DLG5: variants seen among roughly 807,000 people sequenced by gnomAD.
DLG5 encodes the protein discs large MAGUK scaffold protein 5, also known as disks large homolog 5.
DLG5 carries 48 observed loss-of-function variants against 189.8 expected under a neutral mutation model. That is an observed-to-expected ratio of 0.25 (90% CI 0.20 to 0.32). The LOEUF (loss-of-function observed/expected upper bound fraction) is 0.32, where lower values mean the gene tolerates loss of function less well. Among genes scored for constraint, DLG5 ranks in the 10% least tolerant of loss-of-function variants. The pLI is 1.00. For missense variants in DLG5, 2,160 were observed against 2,544.7 expected, an observed-to-expected ratio of 0.85 and a Z score of 3.25; for synonymous variants, 1,016 against 1,054.1, an observed-to-expected ratio of 0.96 and a Z score of 0.70.
intron 9 of DLG5, among the ~76,000 whole-genome samples, chr10:77,833,353 TC>T: frequency 1.4e-5 from 1 of 69,138 alleles, no homozygotes; most frequent in South Asian, 4.0e-4. Flanking sequence ...CCTTTAAAAC[TC>T]TAATCACAAT....
intron 1 of DLG5, among the ~76,000 whole-genome samples, chr10:77,921,119 G>A (rs1846522069): frequency 6.6e-6 from 1 of 152,238 alleles, no homozygotes; most frequent in African/African-American, 2.4e-5. Context: ...GCTGAGGCAG[G>A]AGGATGGCTT....
At chr10:77,805,323 G>A (rs1292306572) in intron 27 of DLG5, among the ~76,000 whole-genome samples, 1 of 152,194 alleles carries the variant, frequency 6.6e-6, no homozygotes, top group Non-Finnish European at 1.5e-5. Context: ...TGAGATGCAA[G>A]TTGAAGTCAC....
rs1359473003 is a variant in DLG5 at position 77,794,937 on chromosome 10, T to C, written c.5458A>G (p.Ile1820Val). 3 of 1,613,772 alleles carry C rather than the reference T, an allele frequency of 1.9e-6. No homozygotes were observed. The highest frequency in any genetic ancestry group is 2.7e-5 in the African/African-American group (2 of 74,920). ...TEKNRHCLLDIAPHAIERLHH... is the reference protein window; with the variant it reads ...TEKNRHCLLDVAPHAIERLHH... ...AGCCGCTCAATAGCGTGCGGAGCAA[T>C]GTCCAGGAGGCAGTGTCGGTTCTGG... The change falls in exon 30 of 32, where the codon ATT becomes GTT. Residue 1820 changes from isoleucine (I) to valine (V), a missense_variant. By Grantham distance (29) the Ile-to-Val change is conservative (BLOSUM62 3). Around this residue, in one of 5 missense-constraint regions of DLG5, gnomAD observed 574 missense variants for 644.2 expected, o/e 0.89. Transcript: ENST00000372391.
intron 27 of DLG5, among the ~76,000 whole-genome samples, chr10:77,805,427 CAG>C (rs2154575091): frequency 6.6e-6 from 1 of 152,318 alleles, no homozygotes; most frequent in South Asian, 2.1e-4. Context: ...CTGCCTGAAA[CAG>C]GGACATGATG....
rs574970504 is a variant in DLG5 at position 77,826,880 on chromosome 10, G to C, written c.2289+2002C>G. Among the ~76,000 whole-genome samples the C allele has an allele frequency of 2.0e-5, 3 of 147,780 alleles. No individual in the cohort carries two copies. In the East Asian group the frequency reaches 6.2e-4, roughly 30 times the overall value. On this transcript the variant is annotated intron_variant, in intron 13 of 31. Transcript: ENST00000372391. ...GGATAGTTACTTGAACCTGGGAGGC[G>C]GAGGCTACAGTGAGCCCAGATCACA...
chr10:77,819,091 A>G (rs942003647), intron 17 of DLG5, among the ~76,000 whole-genome samples: 1 of 152,244 alleles, frequency 6.6e-6, no homozygotes, highest in African/African-American at 2.4e-5. Flanking sequence ...TAAGCACTCA[A>G]ACATCAGCTG....
the DLG5 span, among the ~76,000 whole-genome samples, chr10:77,936,454 A>AT: frequency 7.2e-6 from 1 of 139,320 alleles, no homozygotes; most frequent in Middle Eastern, 3.6e-3. Context: ...AACAAAAAAA[A>AT]AAAAAAAAAA....
intron 11 of DLG5, 148 bp from the exon 12 acceptor site, chr10:77,829,678 G>A: frequency 7.0e-6 from 7 of 993,916 alleles, no homozygotes; most frequent in Non-Finnish European, 1.0e-5. Context: ...AGTGCACAGT[G>A]GTGAAATTTG....
At chr10:77,899,139 A>G (rs1164890627) in intron 1 of DLG5, among the ~76,000 whole-genome samples, 1 of 152,128 alleles carries the variant, frequency 6.6e-6, no homozygotes, top group Non-Finnish European at 1.5e-5. Context: ...GTAGCATGTA[A>G]CCTATCTCCC....
chr10:77,899,501 C>T (rs1845861741), intron 1 of DLG5, among the ~76,000 whole-genome samples: 1 of 152,178 alleles, frequency 6.6e-6, no homozygotes, highest in Admixed American at 6.5e-5. Context: ...TAGTGGCCTT[C>T]ATCTTAGAGT....
rs190929741 is a variant in DLG5 at position 77,895,747 on chromosome 10, C to T, written c.305-26550G>A. Among the ~76,000 whole-genome samples, 258 of 152,278 alleles carry T rather than the reference C, an allele frequency of 1.7e-3. 4 individuals carry two copies. Among genetic ancestry groups the T allele is most frequent in the Admixed American group, 0.016 (241 of 15,298 alleles). On this transcript the variant is annotated intron_variant, in intron 1 of 31. Coordinates refer to ENST00000372391, the MANE Select transcript of DLG5 (RefSeq NM_004747.4). ...AGCGTAGGCTGGGCGCGGTGGCTCA[C>T]GCCTGTAATCCCAACACTTTGGGAG...
chr10:77,933,680 T>G, the DLG5 span, among the ~76,000 whole-genome samples: 1 of 148,090 alleles, frequency 6.8e-6, no homozygotes, highest in Non-Finnish European at 1.5e-5. Flanking sequence ...GGAGAGATCG[T>G]GCCACTGCAC....
chr10:77,840,035 A>T (rs1843341982), intron 7 of DLG5, among the ~76,000 whole-genome samples: 1 of 152,222 alleles, frequency 6.6e-6, no homozygotes, highest in South Asian at 2.1e-4. Context: ...TGTATTTTCT[A>T]TATTGAATCA....
chr10:77,915,652 T>C (rs1222256920), intron 1 of DLG5, among the ~76,000 whole-genome samples: 3 of 152,212 alleles, frequency 2.0e-5, no homozygotes, highest in Admixed American at 2.0e-4. Context: ...TTTTAGGGCA[T>C]AGCAACACTA....
chr10:77,869,204 A>T lies in DLG5; in HGVS notation c.305-7T>A, dbSNP rs758298918. On this transcript the variant is annotated splice_region_variant and splice_polypyrimidine_tract_variant and intron_variant, in intron 1 of 31. Transcript: ENST00000372391. ...AGGACGCTGTAGGTAGAACCTGGGG[A>T]AAGAGGGGAGACCATGTTACTAACC... The T allele has an allele frequency of 6.2e-7, 1 of 1,613,376 alleles. No individual in the cohort carries two copies. Among genetic ancestry groups the T allele is most frequent in the Non-Finnish European group, 8.5e-7 (1 of 1,179,716 alleles).
At chr10:77,843,310 C>CAA in intron 6 of DLG5, 137 bp downstream of exon 6, 4 of 1,084,776 alleles carry the variant, frequency 3.7e-6, no homozygotes, top group Non-Finnish European at 5.3e-6. Flanking sequence ...CATTCAGTGT[C>CAA]AAAAAAAAAT....
intron 21 of DLG5, 33 bp from the exon 22 acceptor site, chr10:77,812,090 G>T (rs201379392): frequency 6.2e-7 from 1 of 1,605,166 alleles, no homozygotes; most frequent in African/African-American, 1.3e-5. Context: ...TCAGTGGGGG[G>T]GTCGGGGCTG....
intron 5 of DLG5, among the ~76,000 whole-genome samples, chr10:77,852,547 C>CT (rs1844032267): frequency 6.6e-6 from 1 of 151,920 alleles, no homozygotes. Context: ...TCCCAAGTAG[C>CT]TGGGACTACA....
intron 1 of DLG5, among the ~76,000 whole-genome samples, chr10:77,916,423 T>G (rs1035941981): frequency 5.3e-5 from 8 of 152,068 alleles, no homozygotes; most frequent in African/African-American, 1.9e-4. Flanking sequence ...CCCAAGTAGC[T>G]GGGATTACAG....
Sources: allele counts gnomAD v4.1 joint callset (sites outside exome capture counted in the v4.1 genomes callset), GRCh38; gene constraint gnomAD v4.1.1; regional missense constraint gnomAD v4.1.1; transcripts MANE v1.5; gene names NCBI Gene and HGNC (gene_info 2026-07-23, HGNC 2026-07-21).